MEGF11: variants seen among roughly 807,000 people sequenced by gnomAD.
MEGF11 encodes multiple EGF like domains 11.
A neutral mutation model predicts 146.6 loss-of-function variants in MEGF11; 126 were observed. That is an observed-to-expected ratio of 0.86 (90% CI 0.74 to 1.00). The LOEUF (loss-of-function observed/expected upper bound fraction) is 1.00. Among genes scored for constraint, MEGF11 ranks in the 50% least tolerant of loss-of-function variants. The probability of loss-of-function intolerance (pLI) is 0.00; values close to 1 mark genes in which losing one functional copy is unlikely to be tolerated. For missense variants in MEGF11, 1,509 were observed against 1,521.2 expected, an observed-to-expected ratio of 0.99 and a Z score of 0.13; for synonymous variants, 532 against 583.4, an observed-to-expected ratio of 0.91 and a Z score of 1.27.
chr15:66,062,969 C>A (rs879393782), intron 5 of MEGF11, among the ~76,000 whole-genome samples: 3 of 152,072 alleles, frequency 2.0e-5, no homozygotes, highest in Non-Finnish European at 4.4e-5. Context: ...TTAAACCATC[C>A]CTTTAAATTA....
chr15:66,051,081 A>T (rs1401177921), intron 5 of MEGF11, among the ~76,000 whole-genome samples: 1 of 152,232 alleles, frequency 6.6e-6, no homozygotes, highest in African/African-American at 2.4e-5. Flanking sequence ...AACGAACACT[A>T]TGCCTCATAG....
chr15:66,064,718 T>A (rs8030816), intron 5 of MEGF11, among the ~76,000 whole-genome samples: 4 of 151,758 alleles, frequency 2.6e-5, no homozygotes, highest in Admixed American at 2.0e-4. Context: ...TAGTAGAGAC[T>A]GGGTTTCTCC....
rs769284934 is a variant in MEGF11 at position 65,922,327 on chromosome 15, G to A, written c.1957+11C>T. 19 of 1,606,700 alleles carry A rather than the reference G, an allele frequency of 1.2e-5. No individual in the cohort carries two copies. The South Asian group carries it at 1.9e-4, about 16-fold the overall frequency. On this transcript the variant is annotated intron_variant, in intron 15 of 25. Coordinates refer to ENST00000395614, the MANE Select transcript of MEGF11 (RefSeq NM_001385028.1). ...CCTCCCCACCCAGTACCTTCCCACTGGAGACAGTACCTTGGTTGCAGAGAG... is the reference window on the plus strand; with the variant it reads ...CCTCCCCACCCAGTACCTTCCCACTAGAGACAGTACCTTGGTTGCAGAGAG...
chr15:66,071,032 A>T (rs900050699), intron 5 of MEGF11, among the ~76,000 whole-genome samples: 3 of 152,074 alleles, frequency 2.0e-5, no homozygotes, highest in Admixed American at 6.6e-5. Context: ...TGGCACTTAG[A>T]GACTGCGTTG....
intron 4 of MEGF11, among the ~76,000 whole-genome samples, chr15:66,099,195 C>G (rs1323912209): frequency 2.3e-5 from 3 of 133,110 alleles, no homozygotes; most frequent in African/African-American, 8.6e-5. Flanking sequence ...CCTCCCACCC[C>G]TCCTTTTTCT....
chr15:65,970,811 G>T, intron 7 of MEGF11, 122 bp from the exon 8 acceptor site: 2 of 1,136,304 alleles, frequency 1.8e-6, no homozygotes, highest in Non-Finnish European at 2.5e-6. Flanking sequence ...TCAGACAGCT[G>T]GACACCAGGG....
chr15:66,113,880 C>CAA (rs112279785), intron 4 of MEGF11, among the ~76,000 whole-genome samples: 9 of 138,122 alleles, frequency 6.5e-5, no homozygotes, highest in Non-Finnish European at 1.1e-4. Flanking sequence ...AACTCTGTCT[C>CAA]AAAAAAAAAA....
At chr15:65,965,960 T>C (rs1374360333) in intron 8 of MEGF11, among the ~76,000 whole-genome samples, 1 of 152,182 alleles carries the variant, frequency 6.6e-6, no homozygotes, top group Non-Finnish European at 1.5e-5. Context: ...ACTGAAACTC[T>C]GCACCCATTA....
intron 5 of MEGF11, among the ~76,000 whole-genome samples, chr15:66,020,856 G>A (rs1191363227): frequency 6.6e-6 from 1 of 152,142 alleles, no homozygotes; most frequent in East Asian, 1.9e-4. Flanking sequence ...GCCAGGTGAG[G>A]TGGTAGGCGC....
At chr15:66,068,434 C>A (rs768685019) in intron 5 of MEGF11, among the ~76,000 whole-genome samples, 1 of 152,134 alleles carries the variant, frequency 6.6e-6, no homozygotes, top group African/African-American at 2.4e-5. Context: ...ACTGTGACAA[C>A]CAAAAATATC....
chr15:66,049,583 G>A (rs1438325742), intron 5 of MEGF11, among the ~76,000 whole-genome samples: 1 of 152,178 alleles, frequency 6.6e-6, no homozygotes, highest in Non-Finnish European at 1.5e-5. Flanking sequence ...ACTTTACAGG[G>A]TATAGGTCGA....
chr15:65,974,025 G>A (rs1265473939), intron 7 of MEGF11, among the ~76,000 whole-genome samples: 1 of 152,096 alleles, frequency 6.6e-6, no homozygotes, highest in Non-Finnish European at 1.5e-5. Context: ...CCAGCCCTGC[G>A]CATACCCGAC....
intron 13 of MEGF11, among the ~76,000 whole-genome samples, chr15:65,927,593 A>G (rs1347794113): frequency 1.3e-5 from 2 of 152,232 alleles, no homozygotes; most frequent in African/African-American, 4.8e-5. Context: ...TAGCAGGGGA[A>G]GTGCCTTCCC....
rs751051963 is a variant in MEGF11 at position 65,965,082 on chromosome 15, T to C, written c.938A>G (p.Gln313Arg). 1.9e-6 allele frequency: 3 copies of C among 1,596,988 alleles called. No individual in the cohort carries two copies. The highest frequency in any genetic ancestry group is 2.6e-6 in the Non-Finnish European group (3 of 1,170,634). ...EECPFGSFGF[Q>R]CSQHCDCHNG... ...GTGGCAGTCACAGTGCTGTGAGCAC[T>C]GGAAGCCGAAGGACCCGAAGGGGCA... is the stretch of plus-strand genomic sequence containing the variant. The change falls in exon 9 of 26, where the codon CAG (glutamine) becomes CGG (arginine). Residue 313 changes from glutamine to arginine, a missense_variant. Coordinates refer to ENST00000395614, the MANE Select transcript of MEGF11 (RefSeq NM_001385028.1).
chr15:65,976,952 A>C (rs1187920243), intron 7 of MEGF11, among the ~76,000 whole-genome samples: 1 of 152,056 alleles, frequency 6.6e-6, no homozygotes, highest in Admixed American at 6.6e-5. Context: ...GGCAGATCAC[A>C]AGGTCAGGAG....
At chr15:66,239,522 C>A (rs980625176) in intron 1 of MEGF11, among the ~76,000 whole-genome samples, 4 of 152,154 alleles carry the variant, frequency 2.6e-5, no homozygotes, top group Non-Finnish European at 5.9e-5. Flanking sequence ...ATGCGCTTTC[C>A]CAGATTTGCT....
At chr15:66,062,377 T>A (rs1370301458) in intron 5 of MEGF11, among the ~76,000 whole-genome samples, 1 of 152,250 alleles carries the variant, frequency 6.6e-6, no homozygotes, top group African/African-American at 2.4e-5. Context: ...TAGCTAGAAG[T>A]TGCCACGTTG....
intron 10 of MEGF11, among the ~76,000 whole-genome samples, chr15:65,937,411 G>A (rs946806858): frequency 6.6e-6 from 1 of 152,146 alleles, no homozygotes; most frequent in African/African-American, 2.4e-5. Flanking sequence ...ATCACCATCC[G>A]GAATTCCTGC....
chr15:65,945,574 C>A (rs2080160043), intron 10 of MEGF11, among the ~76,000 whole-genome samples: 2 of 152,182 alleles, frequency 1.3e-5, no homozygotes, highest in African/African-American at 4.8e-5. Context: ...TCGGTGGCAC[C>A]ATCACAGCCC....
Sources: allele counts gnomAD v4.1 joint callset (sites outside exome capture counted in the v4.1 genomes callset), GRCh38; gene constraint gnomAD v4.1.1; transcripts MANE v1.5; gene names NCBI Gene and HGNC (gene_info 2026-07-23, HGNC 2026-07-21).